The following TTC27 variants were observed in gnomAD, a reference collection of about 807,000 sequenced individuals.
TTC27 encodes the protein tetratricopeptide repeat domain 27.
In TTC27, 79 loss-of-function variants were observed where a neutral mutation model predicts 115.9. The ratio of observed to expected loss-of-function variants is 0.68; its 90% CI spans 0.57 to 0.82. The LOEUF (loss-of-function observed/expected upper bound fraction) is 0.82, where lower values mean the gene tolerates loss of function less well. Among genes scored for constraint, TTC27 ranks in the 40% least tolerant of loss-of-function variants. The pLI is 0.00. For synonymous variants in TTC27, 401 were observed against 356.0 expected (o/e 1.13, Z -1.42); for missense variants, 1,054 against 993.1 (o/e 1.06, Z -0.82).
chr2:32,777,777 A>G (rs1670045170), intron 13 of TTC27, 105 bp from the exon 14 acceptor site: 1 of 1,022,950 alleles, frequency 9.8e-7, no homozygotes, highest in Non-Finnish European at 1.5e-6. Flanking sequence ...ATAGCTCTGC[A>G]TTCTTTCTAG....
At chr2:32,776,901 C>T (rs1572603445) in intron 13 of TTC27, among the ~76,000 whole-genome samples, 2 of 152,334 alleles carry the variant, frequency 1.3e-5, no homozygotes, top group Non-Finnish European at 2.9e-5. Context: ...TGAGCCACCA[C>T]ACCCAGCCGA....
At chr2:32,640,439 C>A in intron 4 of TTC27, 29 bp downstream of exon 4, 1 of 1,607,400 alleles carries the variant, frequency 6.2e-7, no homozygotes, top group Admixed American at 1.7e-5. Flanking sequence ...AGATTCATAC[C>A]CTGGTATGAC....
At position 32,758,481 on chromosome 2, in the gene TTC27, G is replaced by A. The variant is rs1360065348; in HGVS notation, c.1642G>A (p.Glu548Lys). 2 of 1,614,060 alleles carry A rather than the reference G, an allele frequency of 1.2e-6. No individual in the cohort carries two copies. The highest frequency in any genetic ancestry group is 1.7e-6 in the Non-Finnish European group (2 of 1,180,032). The change falls in exon 13 of 20, where the codon GAG (glutamate) becomes AAG (lysine). Residue 548 changes from glutamate (E) to lysine (K), a missense_variant. Glu to Lys is a moderately conservative substitution (Grantham distance 56). Transcript: ENST00000317907. Reference sequence around the variant, plus strand: ...GAACAAGGAGTTTCAAGAGTGTGTAGAGTGCTTCGAACGCTCGGTTAAGAT... The same window carrying A: ...GAACAAGGAGTTTCAAGAGTGTGTAAAGTGCTTCGAACGCTCGGTTAAGAT... ...LRNKEFQECVECFERSVKINP... is the reference protein window; with the variant it reads ...LRNKEFQECVKCFERSVKINP...
intron 16 of TTC27, among the ~76,000 whole-genome samples, chr2:32,790,014 A>G (rs376666887): frequency 6.3e-4 from 95 of 150,184 alleles, no homozygotes; most frequent in African/African-American, 2.2e-3. Flanking sequence ...GATGCATTTG[A>G]GCATTTTTCA....
chr2:32,757,865 C>T (rs1324729937), intron 12 of TTC27, among the ~76,000 whole-genome samples: 2 of 152,118 alleles, frequency 1.3e-5, no homozygotes, highest in Non-Finnish European at 2.9e-5. Context: ...CCACGCCCGG[C>T]TAATTTTTGT....
At chr2:32,631,132 C>T (rs775805598) in intron 2 of TTC27, among the ~76,000 whole-genome samples, 9 of 151,994 alleles carry the variant, frequency 5.9e-5, no homozygotes, top group East Asian at 5.8e-4. Context: ...GGTGAAACCC[C>T]GTCTATACAA....
intron 10 of TTC27, among the ~76,000 whole-genome samples, chr2:32,728,883 A>G (rs1220167324): frequency 6.6e-6 from 1 of 152,150 alleles, no homozygotes; most frequent in Non-Finnish European, 1.5e-5. Context: ...AATGAGCTTG[A>G]CTAGTCTATT....
intron 12 of TTC27, among the ~76,000 whole-genome samples, chr2:32,757,083 T>G (rs1011033609): frequency 6.6e-6 from 1 of 152,214 alleles, no homozygotes; most frequent in Non-Finnish European, 1.5e-5. Flanking sequence ...AAGTTTTATC[T>G]GTGAAGTAGG....
At chr2:32,743,143 G>A (rs1668701746) in intron 12 of TTC27, among the ~76,000 whole-genome samples, 1 of 152,014 alleles carries the variant, frequency 6.6e-6, no homozygotes, top group East Asian at 1.9e-4. Context: ...TTGTTGGTCT[G>A]CCAATTTCCC....
intron 12 of TTC27, among the ~76,000 whole-genome samples, chr2:32,750,937 A>T (rs542509569): frequency 6.6e-6 from 1 of 152,314 alleles, no homozygotes; most frequent in South Asian, 2.1e-4. Context: ...CATCAAGGCC[A>T]TGGGATGGTG....
At chr2:32,682,668 C>CTT (rs3077159) in intron 9 of TTC27, among the ~76,000 whole-genome samples, 50,082 of 127,312 alleles carry the variant, frequency 0.39, 10,825 homozygotes, top group Non-Finnish European at 0.49. Flanking sequence ...TAATAGAAGT[C>CTT]TTTTTTTTTT....
intron 14 of TTC27, chr2:32,780,168 C>G: frequency 2.3e-6 from 1 of 429,528 alleles, no homozygotes; most frequent in East Asian, 7.2e-5. Context: ...ATTCAGCATT[C>G]CTTGAATTTT....
intron 3 of TTC27, among the ~76,000 whole-genome samples, chr2:32,635,939 T>A (rs969704809): frequency 2.6e-5 from 4 of 152,162 alleles, no homozygotes; most frequent in African/African-American, 9.6e-5. Context: ...GTGTCTTATG[T>A]CTATGAAGGG....
At chr2:32,757,136 A>G (rs756612886) in intron 12 of TTC27, among the ~76,000 whole-genome samples, 88 of 152,204 alleles carry the variant, frequency 5.8e-4, no homozygotes, top group Non-Finnish European at 1.6e-4. Context: ...GTGCCTATTA[A>G]GTTGTATGTA....
intron 10 of TTC27, among the ~76,000 whole-genome samples, chr2:32,705,660 C>A (rs776337467): frequency 6.6e-6 from 1 of 152,110 alleles, no homozygotes; most frequent in Non-Finnish European, 1.5e-5. Context: ...CAGTATTCCT[C>A]CTGTCTCAGC....
chr2:32,782,270 T>C (rs890439815), intron 14 of TTC27, among the ~76,000 whole-genome samples: 1 of 152,158 alleles, frequency 6.6e-6, no homozygotes, highest in African/African-American at 2.4e-5. Flanking sequence ...TGGCAAAAAT[T>C]TTTAAGATAG....
At chr2:32,723,728 C>CTCCTTCCT (rs3077160) in intron 10 of TTC27, among the ~76,000 whole-genome samples, 2,035 of 29,432 alleles carry the variant, frequency 0.069, 157 homozygotes, top group East Asian at 0.12. Flanking sequence ...CCCTCCCTCC[C>CTCCTTCCT]TCCTTCCTTC....
chr2:32,742,602 A>G (rs1668683058), intron 12 of TTC27, among the ~76,000 whole-genome samples: 1 of 152,224 alleles, frequency 6.6e-6, no homozygotes, highest in African/African-American at 2.4e-5. Flanking sequence ...GTCACCTCTC[A>G]GCTGCTGCTC....
chr2:32,718,512 T>C (rs1028386352), intron 10 of TTC27, among the ~76,000 whole-genome samples: 5 of 152,230 alleles, frequency 3.3e-5, no homozygotes, highest in African/African-American at 1.2e-4. Context: ...TTGTGCATTA[T>C]TAATTAGAAT....
Sources: gnomAD v4.1 joint callset for allele counts (sites outside exome capture counted in the v4.1 genomes callset) on GRCh38, gnomAD v4.1.1 for gene constraint, MANE v1.5 for transcripts, NCBI Gene and HGNC (gene_info 2026-07-23, HGNC 2026-07-21) for gene names.